SCN9A: variants seen among roughly 807,000 people sequenced by gnomAD.
The protein encoded by SCN9A is sodium channel protein type 9 subunit alpha.
Under a neutral mutation model 187.0 loss-of-function variants are expected in SCN9A, and 131 were observed. That is an observed-to-expected ratio of 0.70 (90% CI 0.61 to 0.81). SCN9A has a LOEUF of 0.81. SCN9A is among the 30% of genes least tolerant of loss of function. SCN9A has a pLI of 0.00. For missense variants in SCN9A, 2,252 were observed against 2,396.6 expected (o/e 0.94, Z 1.26); for synonymous variants, 809 against 808.6 (o/e 1.00, Z -0.01).
Position 166,304,408 on chromosome 2 carries a change from C to T in SCN9A, c.597-79G>A, listed in dbSNP as rs527483460. The T allele has an allele frequency of 2.6e-5, 32 of 1,254,106 alleles. No individual in the cohort carries two copies. The Admixed American group carries it at 6.1e-4, about 24-fold the overall frequency. The allele number at this position is 1,254,106 out of a possible 1,614,324, so 77.7% of individuals were successfully genotyped here. ...CCTGAGCCTTTAGTCAAGGTATTTT[C>T]TACGTTTGGGGCTTCTATTTTAAAT... On this transcript the variant is annotated intron_variant, in intron 5 of 26. Coordinates refer to ENST00000642356, the MANE Select transcript of SCN9A (RefSeq NM_001365536.1).
At chr2:166,240,979 G>C (rs1233492900) in intron 19 of SCN9A, among the ~76,000 whole-genome samples, 1 of 152,112 alleles carries the variant, frequency 6.6e-6, no homozygotes, top group Non-Finnish European at 1.5e-5. Context: ...ATGCCCCCAT[G>C]AGACCTGGGT....
At chr2:166,238,022 T>C in intron 20 of SCN9A, 72 bp downstream of exon 20, 1 of 1,045,258 alleles carries the variant, frequency 9.6e-7, no homozygotes, top group Admixed American at 2.2e-5. Context: ...TAATATGCAA[T>C]AGTGGTGAAG....
chr2:166,281,828 A>T lies in SCN9A; in HGVS notation c.1975-20T>A. The T allele has an allele frequency of 6.3e-7, 1 of 1,599,826 alleles. No individual in the cohort carries two copies. Among genetic ancestry groups the T allele is most frequent in the Non-Finnish European group, 8.5e-7 (1 of 1,173,672 alleles). On this transcript the variant is annotated intron_variant, in intron 12 of 26. Coordinates refer to ENST00000642356, the MANE Select transcript of SCN9A (RefSeq NM_001365536.1). ...CGTGCCCTAAAAAAAAAATCAATTA[A>T]TGTCTTAAGAACAGAATCCTAATAA...
intron 17 of SCN9A, among the ~76,000 whole-genome samples, chr2:166,256,474 G>T (rs1301502151): frequency 6.6e-6 from 1 of 151,326 alleles, no homozygotes; most frequent in Non-Finnish European, 1.5e-5. Flanking sequence ...TTGATCAGTG[G>T]AAAACTCAAC....
chr2:166,359,948 G>C (rs569673848), intron 1 of SCN9A, among the ~76,000 whole-genome samples: 2 of 151,488 alleles, frequency 1.3e-5, no homozygotes, highest in African/African-American at 4.8e-5. Context: ...TTTGCCGGGC[G>C]TGGTGGCTCA....
Position 166,288,618 on chromosome 2 carries a change from T to C in SCN9A, c.1133A>G (p.Tyr378Cys). Reference sequence around the variant, plus strand: ...AATCACTACGACAAAGAAGATCATGTAGGTTTTGCCAGCAGCACGCAGCGT... The same window carrying C: ...AATCACTACGACAAAGAAGATCATGCAGGTTTTGCCAGCAGCACGCAGCGT... ...QQTLRAAGKTYMIFFVVVIFL... is the reference protein window; with the variant it reads ...QQTLRAAGKTCMIFFVVVIFL... Residue 378 changes from tyrosine (Y) to cysteine (C), a missense_variant, in exon 10 of 27, where the codon TAC becomes TGC. This residue lies in a region of SCN9A where 1,013 missense variants were observed against 997.4 expected (regional missense o/e 1.02). Transcript: ENST00000642356. 1 of 1,606,506 alleles carries C rather than the reference T, an allele frequency of 6.2e-7. No homozygotes were observed. Among genetic ancestry groups the C allele is most frequent in the Non-Finnish European group, 8.5e-7 (1 of 1,175,126 alleles).
chr2:166,278,542 T>C (rs187569814), intron 14 of SCN9A, among the ~76,000 whole-genome samples: 1 of 152,300 alleles, frequency 6.6e-6, no homozygotes, highest in East Asian at 1.9e-4. Context: ...TCAGTGCTCA[T>C]CATTTTTAGA....
At chr2:166,316,678 A>G (rs1699118530) in intron 1 of SCN9A, among the ~76,000 whole-genome samples, 1 of 152,222 alleles carries the variant, frequency 6.6e-6, no homozygotes, top group Admixed American at 6.5e-5. Context: ...TGGGCAATAG[A>G]GCGAGACTCC....
At chr2:166,207,849 C>G (rs979204613) in intron 24 of SCN9A, among the ~76,000 whole-genome samples, 8 of 152,130 alleles carry the variant, frequency 5.3e-5, no homozygotes, top group African/African-American at 1.7e-4. Flanking sequence ...GACTTCATGT[C>G]AATGTCAAGA....
chr2:166,276,530 ACTGG>A (rs1300212868), intron 16 of SCN9A: 1 of 152,470 alleles, frequency 6.6e-6, no homozygotes, highest in East Asian at 1.9e-4. Context: ...CAGGCATTGG[ACTGG>A]CTTTGGTCTG....
intron 1 of SCN9A, among the ~76,000 whole-genome samples, chr2:166,346,401 AT>A (rs1473867081): frequency 6.6e-6 from 1 of 152,130 alleles, no homozygotes; most frequent in Non-Finnish European, 1.5e-5. Flanking sequence ...AATACCTTTT[AT>A]TTATCTCAGC....
At chr2:166,205,355 C>T (rs1693747854) in intron 24 of SCN9A, 1 of 152,158 alleles carries the variant, frequency 6.6e-6, no homozygotes, top group South Asian at 2.1e-4. Flanking sequence ...AGAAATAACA[C>T]TACACATCTA....
chr2:166,348,969 A>G (rs1314441665), intron 1 of SCN9A, among the ~76,000 whole-genome samples: 1 of 152,090 alleles, frequency 6.6e-6, no homozygotes, highest in African/African-American at 2.4e-5. Flanking sequence ...CTACTAAAAA[A>G]AATACAAAAT....
chr2:166,208,887 C>T (rs1411574019), intron 24 of SCN9A, among the ~76,000 whole-genome samples: 2 of 152,148 alleles, frequency 1.3e-5, no homozygotes, highest in Non-Finnish European at 2.9e-5. Context: ...ACAATTTATC[C>T]ATCCTTTCTA....
intron 24 of SCN9A, among the ~76,000 whole-genome samples, chr2:166,208,871 T>C (rs949421527): frequency 6.6e-6 from 1 of 152,226 alleles, no homozygotes; most frequent in Non-Finnish European, 1.5e-5. Flanking sequence ...TGTTACTTGG[T>C]TTGAAACAAT....
intron 21 of SCN9A, among the ~76,000 whole-genome samples, chr2:166,230,033 C>T (rs1178475335): frequency 6.6e-6 from 1 of 152,166 alleles, no homozygotes; most frequent in South Asian, 2.1e-4. Context: ...GGATCTCTGA[C>T]TACTAATCAG....
chr2:166,348,282 G>C (rs906717278), intron 1 of SCN9A, among the ~76,000 whole-genome samples: 4 of 151,040 alleles, frequency 2.6e-5, no homozygotes, highest in Non-Finnish European at 4.4e-5. Flanking sequence ...TTCCAGCCTA[G>C]ATATGCCCCT....
At chr2:166,269,360 GATATATAAAT>G (rs1327523519) in intron 17 of SCN9A, among the ~76,000 whole-genome samples, 1 of 151,950 alleles carries the variant, frequency 6.6e-6, no homozygotes, top group African/African-American at 2.4e-5. Flanking sequence ...GCATGCCACA[GATATATAAAT>G]TCTATAGCTG....
intron 1 of SCN9A, among the ~76,000 whole-genome samples, chr2:166,330,453 A>G (rs1699473785): frequency 6.6e-6 from 1 of 152,222 alleles, no homozygotes; most frequent in East Asian, 1.9e-4. Flanking sequence ...ACTATGATTT[A>G]AAGTACTTAG....
Sources: gnomAD v4.1 joint callset for allele counts (sites outside exome capture counted in the v4.1 genomes callset) on GRCh38, gnomAD v4.1.1 for gene constraint, gnomAD v4.1.1 regional missense constraint, MANE v1.5 for transcripts, NCBI Gene and HGNC (gene_info 2026-07-23, HGNC 2026-07-21) for gene names.